IL1RAPL1: variants seen among roughly 807,000 people sequenced by gnomAD.
The protein encoded by IL1RAPL1 is interleukin-1 receptor accessory protein-like 1.
Under a neutral mutation model 48.4 loss-of-function variants are expected in IL1RAPL1, and 3 were observed. That is an observed-to-expected ratio of 0.06 (90% CI 0.03 to 0.16). IL1RAPL1 has a LOEUF of 0.16. Ranked by LOEUF, IL1RAPL1 falls within the 10% of genes least tolerant of loss-of-function variation. The pLI, the probability that IL1RAPL1 is intolerant of heterozygous loss-of-function variation, is 1.00. For missense variants in IL1RAPL1, 349 were observed against 530.6 expected (o/e 0.66, Z 3.36); for synonymous variants, 185 against 187.7 (o/e 0.99, Z 0.12).
chrX:29,907,676 C>CAACA (rs1401973869), intron 6 of IL1RAPL1, among the ~76,000 whole-genome samples: 1 of 111,139 alleles, frequency 9.0e-6, no homozygotes, highest in Non-Finnish European at 1.9e-5. Flanking sequence ...TTGTTTAGAC[C>CAACA]AACAACGTAA....
chrX:29,899,546 T>TTTAA (rs1491565637), intron 6 of IL1RAPL1, among the ~76,000 whole-genome samples: 2 of 89,014 alleles, frequency 2.2e-5, no homozygotes, highest in African/African-American at 8.3e-5. Context: ...CAGTGAATAA[T>TTTAA]TTTTTTTTTT....
chrX:29,057,316 A>G (rs1927237684), intron 2 of IL1RAPL1, among the ~76,000 whole-genome samples: 1 of 112,150 alleles, frequency 8.9e-6, no homozygotes, highest in African/African-American at 3.2e-5. Context: ...ATCTATACTA[A>G]TGGACCACAA....
chrX:28,978,941 G>A (rs911544243), intron 2 of IL1RAPL1, among the ~76,000 whole-genome samples: 3 of 112,140 alleles, frequency 2.7e-5, no homozygotes, highest in Admixed American at 9.5e-5. Context: ...TAATATCAAA[G>A]TGTTGTTGGA....
chrX:29,008,466 G>A (rs1485036379), intron 2 of IL1RAPL1, among the ~76,000 whole-genome samples: 2 of 111,976 alleles, frequency 1.8e-5, no homozygotes, highest in Admixed American at 9.4e-5. Flanking sequence ...GTGAGCCACC[G>A]CGCGTGGCCC....
Position 29,435,525 on chromosome X carries a change from G to C in IL1RAPL1, c.703+36217G>C, listed in dbSNP as rs190334658. 1.8e-3 allele frequency among the ~76,000 whole-genome samples: 204 copies of C among 110,909 alleles called. 1 individual carries two copies. The highest frequency in any genetic ancestry group is 4.8e-3 in the African/African-American group (149 of 30,765). On this transcript the variant is annotated intron_variant, in intron 5 of 10. Transcript: ENST00000378993. ...TTTTATTATTGTTGTAGCCATCCTA[G>C]TGAATGCGAAGTGGTACCTCATTGT... is the stretch of plus-strand genomic sequence containing the variant.
intron 2 of IL1RAPL1, among the ~76,000 whole-genome samples, chrX:28,977,197 A>G (rs1925226177): frequency 8.9e-6 from 1 of 112,308 alleles, no homozygotes; most frequent in Admixed American, 9.4e-5. Flanking sequence ...CCATTCTCAC[A>G]CTGTTATAAA....
chrX:29,030,051 A>G (rs1160414109), intron 2 of IL1RAPL1, among the ~76,000 whole-genome samples: 2 of 109,150 alleles, frequency 1.8e-5, no homozygotes, highest in African/African-American at 6.7e-5. Context: ...AGATCTGTCA[A>G]CTATATTTAT....
Position 29,089,749 on chromosome X carries a change from AATATATATATATATATATAT to A in IL1RAPL1, c.83-193170_83-193151del, listed in dbSNP as rs1159198583. ...TTCTACATGAAAGCAGAGAAATATG[AATATATATATATATATATAT>A]ATATATATATATATATATGTGCATA... On this transcript the variant is annotated intron_variant, in intron 2 of 10. Transcript: ENST00000378993. 3.0e-3 allele frequency among the ~76,000 whole-genome samples: 51 copies of A among 16,978 alleles called. 1 individual carries two copies. The East Asian group carries it at 0.051, about 17-fold the overall frequency. The allele number at this position is 16,978 out of a possible 115,157, so 14.7% of individuals were successfully genotyped here. A position where few individuals can be genotyped will look rare whatever the true frequency, so the allele number is the denominator to read the frequency against.
chrX:29,951,932 AG>A (rs1396325708), intron 9 of IL1RAPL1, among the ~76,000 whole-genome samples: 1 of 111,825 alleles, frequency 8.9e-6, no homozygotes, highest in Non-Finnish European at 1.9e-5. Flanking sequence ...ATGGAAGGAA[AG>A]GATATTTTTA....
chrX:29,353,500 A>G (rs775685950), intron 3 of IL1RAPL1, among the ~76,000 whole-genome samples: 14 of 111,913 alleles, frequency 1.3e-4, no homozygotes, highest in South Asian at 3.7e-4. Context: ...GATATTAGCT[A>G]TAACAAAGGA....
intron 5 of IL1RAPL1, among the ~76,000 whole-genome samples, chrX:29,645,826 A>T (rs755334585): frequency 8.9e-6 from 1 of 112,065 alleles, no homozygotes; most frequent in East Asian, 2.8e-4. Flanking sequence ...CGCAAATCCA[A>T]TCTTAGTACA....
chrX:29,717,123 G>A (rs1354152664), intron 6 of IL1RAPL1, among the ~76,000 whole-genome samples: 2 of 108,655 alleles, frequency 1.8e-5, no homozygotes, highest in Non-Finnish European at 3.8e-5. Flanking sequence ...TTAGACTCAA[G>A]TAACTTCATA....
intron 1 of IL1RAPL1, chrX:28,659,013 G>A (rs1427172833): frequency 2.0e-6 from 1 of 502,183 alleles, no homozygotes; most frequent in Non-Finnish European, 3.3e-6. Flanking sequence ...AGGAAGAAGA[G>A]ACTTTTTTTT....
intron 2 of IL1RAPL1, among the ~76,000 whole-genome samples, chrX:29,198,446 C>A (rs1930488233): frequency 9.1e-6 from 1 of 109,840 alleles, no homozygotes; most frequent in South Asian, 4.0e-4. Flanking sequence ...CAGGTGTCCG[C>A]CACGACACCC....
intron 2 of IL1RAPL1, among the ~76,000 whole-genome samples, chrX:29,206,939 T>C (rs759050790): frequency 1.8e-5 from 2 of 112,095 alleles, no homozygotes; most frequent in African/African-American, 3.2e-5. Flanking sequence ...ATACATTTTA[T>C]TGATGGATCA....
chrX:29,306,898 A>G (rs1011331384), intron 3 of IL1RAPL1, among the ~76,000 whole-genome samples: 1 of 108,782 alleles, frequency 9.2e-6, no homozygotes, highest in Non-Finnish European at 1.9e-5. Context: ...TGATATTTAT[A>G]AAATATAAAT....
intron 2 of IL1RAPL1, among the ~76,000 whole-genome samples, chrX:28,969,908 CATAT>C (rs1448925666): frequency 9.4e-6 from 1 of 106,575 alleles, no homozygotes; most frequent in African/African-American, 3.4e-5. Flanking sequence ...TCTAAACACA[CATAT>C]ATATGTTTCT....
intron 5 of IL1RAPL1, among the ~76,000 whole-genome samples, chrX:29,441,344 A>G (rs1934545182): frequency 8.9e-6 from 1 of 112,120 alleles, no homozygotes; most frequent in Non-Finnish European, 1.9e-5. Context: ...TTGCCTGCAG[A>G]CACTTCCTTG....
At chrX:29,340,488 G>A (rs1250529347) in intron 3 of IL1RAPL1, among the ~76,000 whole-genome samples, 1 of 111,632 alleles carries the variant, frequency 9.0e-6, no homozygotes, top group Non-Finnish European at 1.9e-5. Flanking sequence ...TCTTTTTGAT[G>A]TTCATCCGCA....
Sources: gnomAD v4.1 joint callset for allele counts (sites outside exome capture counted in the v4.1 genomes callset) on GRCh38, gnomAD v4.1.1 for gene constraint, MANE v1.5 for transcripts, NCBI Gene and HGNC (gene_info 2026-07-23, HGNC 2026-07-21) for gene names.